PDE7A: variants seen among roughly 807,000 people sequenced by gnomAD.
PDE7A encodes the protein phosphodiesterase 7A.
In PDE7A, 39 loss-of-function variants were observed where a neutral mutation model predicts 64.3. The ratio of observed to expected loss-of-function variants is 0.61; its 90% CI spans 0.47 to 0.79. The LOEUF (loss-of-function observed/expected upper bound fraction) is 0.79. Ranked by LOEUF, PDE7A falls within the 30% of genes least tolerant of loss-of-function variation. The probability of loss-of-function intolerance (pLI) is 0.00; values close to 1 mark genes in which losing one functional copy is unlikely to be tolerated. For synonymous variants in PDE7A, 203 were observed against 206.8 expected (o/e 0.98, Z 0.16); for missense variants, 470 against 582.8 (o/e 0.81, Z 1.99).
chr8:65,807,490 C>T (rs181446502), intron 1 of PDE7A, among the ~76,000 whole-genome samples: 2 of 152,002 alleles, frequency 1.3e-5, no homozygotes, highest in African/African-American at 4.8e-5. Flanking sequence ...GATAGTTTTA[C>T]TTTTTCCTTT....
chr8:65,733,295 T>C (rs925664146), intron 7 of PDE7A, among the ~76,000 whole-genome samples: 1 of 152,138 alleles, frequency 6.6e-6, no homozygotes, highest in African/African-American at 2.4e-5. Context: ...CAGAGGGAGA[T>C]GGGAGTGCAG....
chr8:65,819,994 G>A (rs577830499), intron 1 of PDE7A, among the ~76,000 whole-genome samples: 1 of 152,212 alleles, frequency 6.6e-6, no homozygotes, highest in African/African-American at 2.4e-5. Flanking sequence ...GTGGATCCCT[G>A]TATTACTTCA....
chr8:65,821,947 T>G (rs370322697), intron 1 of PDE7A, among the ~76,000 whole-genome samples: 4 of 152,222 alleles, frequency 2.6e-5, no homozygotes, highest in African/African-American at 9.6e-5. Flanking sequence ...ACACCAATGG[T>G]GTCATAACTG....
Position 65,747,775 on chromosome 8 carries a change from A to G in PDE7A, c.312T>C (p.Ser104=), listed in dbSNP as rs753568241. The change falls in exon 4 of 13, where the codon TCT becomes TCC. Residue 104 remains serine, a synonymous_variant. Transcript: ENST00000401827. The part of the protein sequence containing the change: ...HSQSEIEVSV[S]ARNIRRLLSF... ...TTAGTAGCCTTCTGATATTCCTTGC[A>G]GAGACAGACACTTCAATTTCAGATT... 31 of 1,609,126 alleles carry G rather than the reference A, an allele frequency of 1.9e-5. No homozygotes were observed. Among genetic ancestry groups the G allele is most frequent in the Non-Finnish European group, 2.5e-5 (29 of 1,176,974 alleles).
chr8:65,829,788 C>T (rs1455747626), intron 1 of PDE7A, among the ~76,000 whole-genome samples: 4 of 151,988 alleles, frequency 2.6e-5, no homozygotes, highest in Non-Finnish European at 4.4e-5. Context: ...TAGTAACAAT[C>T]AAAAACCTAG....
chr8:65,748,838 T>A (rs1807803632), intron 3 of PDE7A, among the ~76,000 whole-genome samples: 1 of 152,152 alleles, frequency 6.6e-6, no homozygotes, highest in Non-Finnish European at 1.5e-5. Flanking sequence ...ACACAGCAGG[T>A]GTTAAATAGT....
chr8:65,794,769 A>T (rs1028984936), intron 1 of PDE7A, among the ~76,000 whole-genome samples: 1 of 152,250 alleles, frequency 6.6e-6, no homozygotes, highest in African/African-American at 2.4e-5. Flanking sequence ...TGAATGAGAC[A>T]CAGTCCTTGC....
rs1436125935 is a variant in PDE7A at position 65,734,909 on chromosome 8, G to C, written c.596-15C>G. Reference sequence around the variant, plus strand: ...TTGAATCATAACTGCATCAAAGAAAGAGATCCCGATTTTATTGTATATGAG... The same window carrying C: ...TTGAATCATAACTGCATCAAAGAAACAGATCCCGATTTTATTGTATATGAG... On this transcript the variant is annotated splice_polypyrimidine_tract_variant and intron_variant, in intron 6 of 12. Coordinates refer to ENST00000401827, the MANE Select transcript of PDE7A (RefSeq NM_001242318.3). 3 of 1,513,632 alleles carry C rather than the reference G, an allele frequency of 2.0e-6. No individual in the cohort carries two copies. Among genetic ancestry groups the C allele is most frequent in the Non-Finnish European group, 2.8e-6 (3 of 1,088,894 alleles). The allele number at this position is 1,513,632 out of a possible 1,614,324, so 93.8% of individuals were successfully genotyped here. A position where few individuals can be genotyped will look rare whatever the true frequency, so the allele number is the denominator to read the frequency against.
intron 1 of PDE7A, among the ~76,000 whole-genome samples, chr8:65,817,249 T>G (rs1458812095): frequency 1.3e-5 from 2 of 151,962 alleles, no homozygotes; most frequent in East Asian, 3.8e-4. Flanking sequence ...TGTCAAAATT[T>G]TCTCCTAATG....
In PDE7A at chr8:65,841,674, CCTCCGCTCGGGCCGCCGGCGGGAAGG is replaced by C. The variant is rs1044494738; in HGVS notation, c.-192_-167del. 7 of 172,492 alleles carry C rather than the reference CCTCCGCTCGGGCCGCCGGCGGGAAGG, an allele frequency of 4.1e-5. No homozygotes were observed. The highest frequency in any genetic ancestry group is 1.4e-4 in the African/African-American group (6 of 41,560). The allele number at this position is 172,492 out of a possible 1,614,324, so 10.7% of individuals were successfully genotyped here. A position where few individuals can be genotyped will look rare whatever the true frequency, so the allele number is the denominator to read the frequency against. On this transcript the variant is annotated 5_prime_UTR_variant, in exon 1 of 13. Transcript: ENST00000401827. Reference sequence around the variant, plus strand: ...GCGCTCACGCCTCCCCAACCCCAGCCCTCCGCTCGGGCCGCCGGCGGGAAGGCTCCGCGGCGGCCGCGGCGCCAATT... The same window carrying C: ...GCGCTCACGCCTCCCCAACCCCAGCCCTCCGCGGCGGCCGCGGCGCCAATT...
chr8:65,774,758 A>G (rs1173644098), intron 3 of PDE7A, among the ~76,000 whole-genome samples: 1 of 152,026 alleles, frequency 6.6e-6, no homozygotes, highest in Non-Finnish European at 1.5e-5. Flanking sequence ...TAACATAAAT[A>G]ACATTTTTAT....
chr8:65,719,390 C>A lies in PDE7A; in HGVS notation c.1349G>T (p.Ser450Ile). Residue 450 changes from serine to isoleucine, a missense_variant, in exon 13 of 13, where the codon AGC (serine) becomes ATC (isoleucine). Transcript: ENST00000401827. Reference sequence around the variant, plus strand: ...CTGTTCTCTCTGCAGTCCCTTCCAGCTGGCTTTATTCAGCCCCACGTGTCC... The same window carrying A: ...CTGTTCTCTCTGCAGTCCCTTCCAGATGGCTTTATTCAGCCCCACGTGTCC... The part of the protein sequence containing the change: ...MLGHVGLNKA[S>I]WKGLQREQSS... 6.2e-7 allele frequency: 1 copy of A among 1,614,054 alleles called. No homozygotes were observed. The highest frequency in any genetic ancestry group is 8.5e-7 in the Non-Finnish European group (1 of 1,179,898).
At chr8:65,785,246 G>GTGT (rs1809518851) in intron 1 of PDE7A, among the ~76,000 whole-genome samples, 1 of 152,148 alleles carries the variant, frequency 6.6e-6, no homozygotes, top group Admixed American at 6.5e-5. Context: ...GAGGCTGAGG[G>GTGT]ATACAGAGGT....
chr8:65,820,399 AAAAAG>A (rs1446917058), intron 1 of PDE7A, among the ~76,000 whole-genome samples: 28 of 152,342 alleles, frequency 1.8e-4, no homozygotes, highest in African/African-American at 6.0e-4. Flanking sequence ...CTGTTTCAAA[AAAAAG>A]AAAAGGAATT....
At chr8:65,769,394 C>G (rs1229277759) in intron 3 of PDE7A, among the ~76,000 whole-genome samples, 1 of 151,772 alleles carries the variant, frequency 6.6e-6, no homozygotes, top group Non-Finnish European at 1.5e-5. Flanking sequence ...ATCATTGCAA[C>G]AAAGCTGCCA....
chr8:65,721,135 GT>G (rs894021714), intron 12 of PDE7A, among the ~76,000 whole-genome samples: 2 of 152,056 alleles, frequency 1.3e-5, no homozygotes, highest in African/African-American at 4.8e-5. Context: ...GCAGGACTCT[GT>G]TAATTAGTAC....
Position 65,724,441 on chromosome 8 carries a change from A to G in PDE7A, c.1066-90T>C, listed in dbSNP as rs1806524443. Reference sequence around the variant, plus strand: ...CAAGTGCAAGGACTGGATTAACCATAAATATAAATAAATAAGCCAGAAATA... The same window carrying G: ...CAAGTGCAAGGACTGGATTAACCATGAATATAAATAAATAAGCCAGAAATA... On this transcript the variant is annotated intron_variant, in intron 10 of 12. Transcript: ENST00000401827. 3 of 711,128 alleles carry G rather than the reference A, an allele frequency of 4.2e-6. No homozygotes were observed. The South Asian group carries it at 6.4e-5, about 15-fold the overall frequency. The allele number at this position is 711,128 out of a possible 1,614,324, so 44.1% of individuals were successfully genotyped here.
rs760064920 is a variant in PDE7A, at chr8:65,747,736, A to G, written c.351T>C (p.Tyr117=). The change falls in exon 4 of 13, where the codon TAT becomes TAC. Residue 117 remains tyrosine, a synonymous_variant. Transcript: ENST00000401827. Reference sequence around the variant, plus strand: ...CACGAAAAAAGCGTGAAGATCTAAGATATCGCTGGAAACTTAGTAGCCTTC... The same window carrying G: ...CACGAAAAAAGCGTGAAGATCTAAGGTATCGCTGGAAACTTAGTAGCCTTC... ...NIRRLLSFQR[Y]LRSSRFFRGT... is the part of the protein sequence containing the mutation. 1 of 1,608,024 alleles carries G rather than the reference A, an allele frequency of 6.2e-7. No homozygotes were observed. Among genetic ancestry groups the G allele is most frequent in the African/African-American group, 1.3e-5 (1 of 74,922 alleles).
chr8:65,719,926 TG>T (rs1312269748), intron 12 of PDE7A, among the ~76,000 whole-genome samples: 1 of 152,250 alleles, frequency 6.6e-6, no homozygotes, highest in Non-Finnish European at 1.5e-5. Flanking sequence ...GAAGTGGAGC[TG>T]GCAGTAGTCT....
Sources: allele counts gnomAD v4.1 joint callset (sites outside exome capture counted in the v4.1 genomes callset), GRCh38; gene constraint gnomAD v4.1.1; transcripts MANE v1.5; gene names NCBI Gene and HGNC (gene_info 2026-07-23, HGNC 2026-07-21).